PTBP2: variants seen among roughly 807,000 people sequenced by gnomAD.
PTBP2 encodes polypyrimidine tract-binding protein 2.
In PTBP2, 13 loss-of-function variants were observed where a neutral mutation model predicts 61.4. The observed-to-expected ratio is 0.21, with a 90% CI of 0.14 to 0.34. The LOEUF is 0.34. Among genes scored for constraint, PTBP2 ranks in the 10% least tolerant of loss-of-function variants. The probability of loss-of-function intolerance (pLI) is 1.00; values close to 1 mark genes in which losing one functional copy is unlikely to be tolerated. For synonymous variants in PTBP2, 215 were observed against 218.5 expected (o/e 0.98, Z 0.14); for missense variants, 405 against 642.6 (o/e 0.63, Z 4.00).
intron 7 of PTBP2, 21 bp from the exon 8 acceptor site, chr1:96,785,038 A>ATGCTTTATTCACTTT: frequency 6.8e-7 from 1 of 1,473,816 alleles, no homozygotes; most frequent in Non-Finnish European, 9.1e-7. Flanking sequence ...GATTGCTGAT[A>ATGCTTTATTCACTTT]TGCTTTATTC....
intron 11 of PTBP2, 141 bp downstream of exon 11, chr1:96,807,099 G>T (rs1661565118): frequency 1.1e-5 from 7 of 610,412 alleles, no homozygotes; most frequent in Non-Finnish European, 1.9e-5. Flanking sequence ...ATTTTAATGT[G>T]AATAGTTGTA....
intron 3 of PTBP2, among the ~76,000 whole-genome samples, chr1:96,760,823 TA>T (rs529063395): frequency 1.9e-3 from 297 of 152,312 alleles, no homozygotes; most frequent in African/African-American, 6.9e-3. Context: ...TTTTACCCAG[TA>T]AGAACATGTT....
At chr1:96,751,263 G>A in intron 2 of PTBP2, 162 bp from the exon 3 acceptor site, 1 of 694,628 alleles carries the variant, frequency 1.4e-6, no homozygotes, top group Non-Finnish European at 2.6e-6. Context: ...ATGGGAGAGG[G>A]ATAGATGGGA....
intron 2 of PTBP2, among the ~76,000 whole-genome samples, chr1:96,746,898 C>T (rs1291564026): frequency 1.7e-5 from 1 of 59,872 alleles, no homozygotes; most frequent in Non-Finnish European, 3.0e-5. Context: ...TCCCTCCCTC[C>T]CTCCCTCCCT....
intron 2 of PTBP2, among the ~76,000 whole-genome samples, chr1:96,738,481 G>C (rs1652540288): frequency 6.6e-6 from 1 of 152,078 alleles, no homozygotes; most frequent in African/African-American, 2.4e-5. Flanking sequence ...CACCGTGTTA[G>C]CCAGGATGGT....
chr1:96,767,886 C>T (rs933095237), intron 3 of PTBP2, among the ~76,000 whole-genome samples: 12 of 151,988 alleles, frequency 7.9e-5, no homozygotes. Context: ...GAAGAGCTAC[C>T]CAGCCAAGAT....
chr1:96,799,976 A>G (rs1660807349), intron 8 of PTBP2, among the ~76,000 whole-genome samples: 1 of 152,224 alleles, frequency 6.6e-6, no homozygotes, highest in Admixed American at 6.5e-5. Flanking sequence ...TACTCCAGTG[A>G]TTTAGAACGG....
At chr1:96,807,596 A>G (rs558909294) in intron 11 of PTBP2, among the ~76,000 whole-genome samples, 1 of 152,326 alleles carries the variant, frequency 6.6e-6, no homozygotes, top group East Asian at 1.9e-4. Flanking sequence ...ATTTCTGTTC[A>G]TTGAGATTCA....
chr1:96,749,582 C>T (rs1159193767), intron 2 of PTBP2: 2 of 450,188 alleles, frequency 4.4e-6, no homozygotes, highest in East Asian at 7.0e-5. Context: ...CTTTATTTCT[C>T]TATCCTGTGG....
At chr1:96,741,998 A>G (rs947544008) in intron 2 of PTBP2, among the ~76,000 whole-genome samples, 3 of 152,176 alleles carry the variant, frequency 2.0e-5, no homozygotes, top group African/African-American at 7.2e-5. Context: ...AATCTTGTAC[A>G]GTGAGTGTCA....
chr1:96,747,427 A>C (rs1263350142), intron 2 of PTBP2, among the ~76,000 whole-genome samples: 2 of 152,180 alleles, frequency 1.3e-5, no homozygotes, highest in African/African-American at 4.8e-5. Context: ...CAGAGTTCAT[A>C]AAGATACTAT....
chr1:96,778,807 G>C (rs567481622), intron 7 of PTBP2, among the ~76,000 whole-genome samples: 1 of 151,952 alleles, frequency 6.6e-6, no homozygotes, highest in South Asian at 2.1e-4. Flanking sequence ...TACTTCTGTG[G>C]AGCCCAGACC....
At chr1:96,792,614 A>G (rs1462373122) in intron 8 of PTBP2, among the ~76,000 whole-genome samples, 1 of 152,054 alleles carries the variant, frequency 6.6e-6, no homozygotes, top group Non-Finnish European at 1.5e-5. Flanking sequence ...ACATACTAAG[A>G]TATTTTTTGT....
intron 1 of PTBP2, among the ~76,000 whole-genome samples, chr1:96,723,086 A>C (rs976970356): frequency 2.0e-5 from 3 of 152,198 alleles, no homozygotes; most frequent in African/African-American, 7.2e-5. Flanking sequence ...AGTCTCACAG[A>C]ATTCAAATCA....
chr1:96,770,301 G>C (rs1657234425), intron 4 of PTBP2, among the ~76,000 whole-genome samples: 1 of 151,932 alleles, frequency 6.6e-6, no homozygotes, highest in Non-Finnish European at 1.5e-5. Flanking sequence ...TTATATACTT[G>C]AGGTTAATCT....
rs947069214 is a variant in PTBP2, at chr1:96,812,644, C to T, written c.1172-68C>T. ...GAAAATTCAAATTTTTAAACTGTTACGTTAAAAGAATTATGTTTGTTTTGA... is the reference window on the plus strand; with the variant it reads ...GAAAATTCAAATTTTTAAACTGTTATGTTAAAAGAATTATGTTTGTTTTGA... On this transcript the variant is annotated intron_variant, in intron 11 of 13. Transcript: ENST00000674951. The T allele has an allele frequency of 3.8e-5, 48 of 1,247,070 alleles. No individual in the cohort carries two copies. In the Admixed American group the frequency reaches 8.6e-4, roughly 22 times the overall value. 77.3% of individuals were successfully genotyped at this position (1,247,070 alleles called of 1,614,324 possible).
intron 2 of PTBP2, among the ~76,000 whole-genome samples, chr1:96,730,875 A>T (rs1651300788): frequency 6.6e-6 from 1 of 152,158 alleles, no homozygotes. Flanking sequence ...TTCAGGGATT[A>T]TTGTCCATCA....
At chr1:96,770,628 A>T in intron 4 of PTBP2, 80 bp from the exon 5 acceptor site, 1 of 1,194,524 alleles carries the variant, frequency 8.4e-7, no homozygotes, top group Non-Finnish European at 1.2e-6. Flanking sequence ...ATAATTGATT[A>T]AAATCATCTG....
downstream of PTBP2, chr1:96,819,383 G>C (rs955866899): frequency 4.6e-5 from 7 of 151,812 alleles, no homozygotes; most frequent in Non-Finnish European, 1.5e-5. Context: ...ATATTCTTAT[G>C]GCTAGCAATC....
Sources: gnomAD v4.1 joint callset for allele counts (sites outside exome capture counted in the v4.1 genomes callset) on GRCh38, gnomAD v4.1.1 for gene constraint, MANE v1.5 for transcripts, NCBI Gene and HGNC (gene_info 2026-07-23, HGNC 2026-07-21) for gene names.